Variants in XRN1 observed in about 807,000 individuals in gnomAD.
XRN1 encodes strand-exchange protein 1 homolog.
XRN1 carries 67 observed loss-of-function variants against 222.3 expected under a neutral mutation model. The ratio of observed to expected loss-of-function variants is 0.30; its 90% CI spans 0.25 to 0.37. XRN1 has a LOEUF of 0.37. Among genes scored for constraint, XRN1 ranks in the 10% least tolerant of loss-of-function variants. The probability of loss-of-function intolerance (pLI) is 1.00; values close to 1 mark genes in which losing one functional copy is unlikely to be tolerated. For synonymous variants in XRN1, 643 were observed against 652.4 expected, an observed-to-expected ratio of 0.99 and a Z score of 0.22; for missense variants, 1,707 against 2,000.2, an observed-to-expected ratio of 0.85 and a Z score of 2.80.
At chr3:142,392,261 TA>T (rs1306640148) in intron 20 of XRN1, among the ~76,000 whole-genome samples, 1 of 152,124 alleles carries the variant, frequency 6.6e-6, no homozygotes, top group Non-Finnish European at 1.5e-5. Context: ...CCCACCACTG[TA>T]ACTCATTTTC....
chr3:142,320,213 T>A (rs2065316588), intron 37 of XRN1, among the ~76,000 whole-genome samples: 1 of 152,226 alleles, frequency 6.6e-6, no homozygotes, highest in Admixed American at 6.5e-5. Flanking sequence ...CACTCCCTTT[T>A]TGCTACATCC....
At chr3:142,382,731 A>G (rs1259298258) in intron 22 of XRN1, among the ~76,000 whole-genome samples, 3 of 152,096 alleles carry the variant, frequency 2.0e-5, no homozygotes, top group African/African-American at 7.2e-5. Context: ...TTTGCTTCTT[A>G]TTCCTTTCAG....
At chr3:142,402,493 T>C (rs1162653429) in intron 18 of XRN1, among the ~76,000 whole-genome samples, 1 of 152,186 alleles carries the variant, frequency 6.6e-6, no homozygotes, top group African/African-American at 2.4e-5. Context: ...ATAAACAGAC[T>C]TTCTAAACAG....
intron 2 of XRN1, among the ~76,000 whole-genome samples, chr3:142,431,406 C>T (rs549937982): frequency 2.8e-4 from 42 of 152,256 alleles, no homozygotes; most frequent in Non-Finnish European, 3.7e-4. Flanking sequence ...CCTGGCCAGA[C>T]GTGGTGGCTC....
rs1393155759 is a variant in XRN1, at chr3:142,426,731, T to G, written c.406+13A>C. 3 of 1,598,690 alleles carry G rather than the reference T, an allele frequency of 1.9e-6. No homozygotes were observed. The highest frequency in any genetic ancestry group is 2.6e-6 in the Non-Finnish European group (3 of 1,172,092). The stretch of plus-strand genomic sequence containing the variant: ...TTTCAATTCTGTCATAATTTGTCTC[T>G]CAGTGAATTTACCTGGTGTGATACA... On this transcript the variant is annotated intron_variant, in intron 3 of 40. Coordinates refer to ENST00000392981, the MANE Select transcript of XRN1 (RefSeq NM_001282857.2).
At chr3:142,436,666 C>T (rs956837853) in intron 1 of XRN1, among the ~76,000 whole-genome samples, 1 of 151,994 alleles carries the variant, frequency 6.6e-6, no homozygotes, top group African/African-American at 2.4e-5. Context: ...ATGGTACATC[C>T]ATACAATGGA....
chr3:142,332,162 G>C (rs1184562344), intron 36 of XRN1, among the ~76,000 whole-genome samples: 1 of 152,106 alleles, frequency 6.6e-6, no homozygotes, highest in Non-Finnish European at 1.5e-5. Context: ...GCATATACCT[G>C]TAATCCCAGC....
chr3:142,323,294 G>GA (rs148425299), intron 37 of XRN1, among the ~76,000 whole-genome samples: 1 of 137,068 alleles, frequency 7.3e-6, no homozygotes, highest in Non-Finnish European at 1.6e-5. Flanking sequence ...TTTTTTTTTT[G>GA]TTTTTTTTTT....
intron 20 of XRN1, among the ~76,000 whole-genome samples, chr3:142,394,429 T>C (rs547827936): frequency 6.6e-6 from 1 of 152,320 alleles, no homozygotes; most frequent in South Asian, 2.1e-4. Flanking sequence ...CTACCACATT[T>C]TCCTGATAAA....
chr3:142,401,367 A>G (rs374163354), intron 18 of XRN1, among the ~76,000 whole-genome samples: 24 of 152,162 alleles, frequency 1.6e-4, no homozygotes, highest in African/African-American at 5.3e-4. Context: ...AAACCATAAA[A>G]TGCTCTACAA....
chr3:142,406,805 A>G (rs1442553207), intron 15 of XRN1, among the ~76,000 whole-genome samples: 1 of 152,110 alleles, frequency 6.6e-6, no homozygotes, highest in Non-Finnish European at 1.5e-5. Flanking sequence ...GTGAGCCATA[A>G]ACATTATTTT....
intron 20 of XRN1, among the ~76,000 whole-genome samples, chr3:142,387,032 T>C (rs760842001): frequency 6.6e-6 from 1 of 152,152 alleles, no homozygotes; most frequent in Non-Finnish European, 1.5e-5. Context: ...AATGCATATA[T>C]ACACGTTCAC....
chr3:142,346,454 T>G (rs1047146258), intron 33 of XRN1, among the ~76,000 whole-genome samples: 1 of 151,962 alleles, frequency 6.6e-6, no homozygotes, highest in Non-Finnish European at 1.5e-5. Flanking sequence ...TTAAAAAGTG[T>G]GCACATGTTG....
intron 1 of XRN1, among the ~76,000 whole-genome samples, chr3:142,443,163 C>T (rs530310054): frequency 1.3e-5 from 2 of 152,300 alleles, no homozygotes; most frequent in East Asian, 3.9e-4. Context: ...ACCCCTGGAC[C>T]GGCCTGTTAG....
chr3:142,328,803 G>T (rs2065610239), intron 37 of XRN1, among the ~76,000 whole-genome samples: 1 of 128,292 alleles, frequency 7.8e-6, no homozygotes, highest in African/African-American at 2.8e-5. Flanking sequence ...CTGTTGCCCA[G>T]GCTGGAGTGC....
At position 142,347,361 on chromosome 3, in the gene XRN1, A is replaced by G; in HGVS notation, c.3769-19T>C. Reference sequence around the variant, plus strand: ...CTGCACCCTGAAAATTAAAATTCTTATAAATTAAACAAAATCTTAATATTA... The same window carrying G: ...CTGCACCCTGAAAATTAAAATTCTTGTAAATTAAACAAAATCTTAATATTA... On this transcript the variant is annotated intron_variant, in intron 32 of 40. Coordinates refer to ENST00000392981, the MANE Select transcript of XRN1 (RefSeq NM_001282857.2). The G allele has an allele frequency of 5.4e-6, 8 of 1,470,092 alleles. No individual in the cohort carries two copies. The highest frequency in any genetic ancestry group is 7.3e-6 in the Non-Finnish European group (8 of 1,089,284). 91.1% of individuals were successfully genotyped at this position (1,470,092 alleles called of 1,614,324 possible). A position where few individuals can be genotyped will look rare whatever the true frequency, so the allele number is the denominator to read the frequency against.
chr3:142,329,533 G>A lies in XRN1; in HGVS notation c.4305C>T (p.Ser1435=), dbSNP rs754962775. Residue 1435 remains serine, a synonymous_variant, in exon 37 of 41, where the codon AGC becomes AGT. Coordinates refer to ENST00000392981, the MANE Select transcript of XRN1 (RefSeq NM_001282857.2). ...CTGGTGTGGATACAGGAGGGATCTG[G>A]CTGGGGGCAGGCCAACACATATTGT... is the stretch of plus-strand genomic sequence containing the variant. The part of the protein sequence containing the change: ...SMDNMCWPAP[S]QIPPVSTPVT... 1 of 1,601,268 alleles carries A rather than the reference G, an allele frequency of 6.2e-7. No homozygotes were observed. Among genetic ancestry groups the A allele is most frequent in the Non-Finnish European group, 8.5e-7 (1 of 1,175,516 alleles).
intron 1 of XRN1, among the ~76,000 whole-genome samples, chr3:142,439,694 C>A (rs1199901065): frequency 6.6e-6 from 1 of 151,888 alleles, no homozygotes; most frequent in East Asian, 1.9e-4. Flanking sequence ...AACTTGGCAA[C>A]CTTGTTTTTT....
intron 15 of XRN1, among the ~76,000 whole-genome samples, chr3:142,411,972 G>A (rs1187214040): frequency 6.6e-6 from 1 of 151,906 alleles, no homozygotes; most frequent in East Asian, 1.9e-4. Flanking sequence ...ACAGGCGCCC[G>A]CCACCTTGCC....
Sources: allele counts gnomAD v4.1 joint callset (sites outside exome capture counted in the v4.1 genomes callset), GRCh38; gene constraint gnomAD v4.1.1; transcripts MANE v1.5; gene names NCBI Gene and HGNC (gene_info 2026-07-23, HGNC 2026-07-21).